EYS: variants seen among roughly 807,000 people sequenced by gnomAD.
EYS encodes the protein protein eyes shut homolog.
A neutral mutation model predicts 282.1 loss-of-function variants in EYS; 250 were observed. The ratio of observed to expected loss-of-function variants is 0.89; its 90% confidence interval spans 0.80 to 0.98. The LOEUF is 0.98. Ranked by LOEUF, EYS falls within the 50% of genes least tolerant of loss-of-function variation. The pLI, the probability that EYS is intolerant of heterozygous loss-of-function variation, is 0.00. For missense variants in EYS, 4,016 were observed against 3,709.0 expected, an observed-to-expected ratio of 1.08 and a Z score of -2.15; for synonymous variants, 1,355 against 1,282.9, an observed-to-expected ratio of 1.06 and a Z score of -1.20.
chr6:65,038,029 A>C (rs975485093), intron 13 of EYS, among the ~76,000 whole-genome samples: 2 of 151,662 alleles, frequency 1.3e-5, no homozygotes, highest in Non-Finnish European at 3.0e-5. Context: ...AAATTTGCTC[A>C]AGTCAAGAAT....
At chr6:65,230,229 T>C (rs934780409) in intron 12 of EYS, among the ~76,000 whole-genome samples, 2 of 151,966 alleles carry the variant, frequency 1.3e-5, no homozygotes, top group African/African-American at 4.8e-5. Context: ...TTTCTTGCCA[T>C]TTTTTACTTT....
chr6:64,684,526 T>C (rs1770017570), intron 22 of EYS, among the ~76,000 whole-genome samples: 1 of 151,616 alleles, frequency 6.6e-6, no homozygotes, highest in African/African-American at 2.4e-5. Context: ...TCTTATATTT[T>C]CTCCTTATTT....
intron 28 of EYS, among the ~76,000 whole-genome samples, chr6:64,390,316 G>T (rs1365765897): frequency 6.6e-6 from 1 of 152,156 alleles, no homozygotes; most frequent in Non-Finnish European, 1.5e-5. Flanking sequence ...CCACCTCTGG[G>T]GGCAGGGCAC....
intron 35 of EYS, among the ~76,000 whole-genome samples, chr6:63,974,216 C>T (rs1238955932): frequency 6.6e-6 from 1 of 151,882 alleles, no homozygotes; most frequent in Non-Finnish European, 1.5e-5. Context: ...CACAATTTAC[C>T]ATTTTTACGC....
chr6:64,697,125 A>T (rs536377920), intron 22 of EYS, among the ~76,000 whole-genome samples: 1 of 152,104 alleles, frequency 6.6e-6, no homozygotes, highest in East Asian at 1.9e-4. Context: ...GTGTGGATTT[A>T]AAAAAAACAT....
At chr6:65,208,677 T>A (rs1238916028) in intron 12 of EYS, among the ~76,000 whole-genome samples, 1 of 151,870 alleles carries the variant, frequency 6.6e-6, no homozygotes, top group Non-Finnish European at 1.5e-5. Context: ...GAGGCCATTA[T>A]CCTAAATGAA....
At chr6:64,292,592 G>A (rs1768752911) in intron 30 of EYS, among the ~76,000 whole-genome samples, 1 of 151,940 alleles carries the variant, frequency 6.6e-6, no homozygotes, top group Admixed American at 6.6e-5. Context: ...CTAAGATCGA[G>A]GATAGCTAAT....
intron 5 of EYS, among the ~76,000 whole-genome samples, chr6:65,445,865 T>G (rs1768632846): frequency 6.6e-6 from 1 of 151,850 alleles, no homozygotes; most frequent in African/African-American, 2.4e-5. Flanking sequence ...ATTCCTAAAC[T>G]ATTTGTTTCC....
At chr6:63,874,870 G>C (rs914580673) in intron 35 of EYS, among the ~76,000 whole-genome samples, 2 of 152,108 alleles carry the variant, frequency 1.3e-5, no homozygotes, top group African/African-American at 4.8e-5. Context: ...GGAGATTGTG[G>C]GCTGAGATGA....
chr6:64,482,308 A>G lies in EYS; in HGVS notation c.5645-42956T>C, dbSNP rs191843257. Among the ~76,000 whole-genome samples the G allele has an allele frequency of 1.3e-3, 202 of 151,708 alleles. 1 individual carries two copies. The highest frequency in any genetic ancestry group is 4.0e-3 in the Admixed American group (61 of 15,188). ...AGCCACTGGGGAGTGGATGTTGGGGACTCAAATGTCCATTATCTATATATC... is the reference window on the plus strand; with the variant it reads ...AGCCACTGGGGAGTGGATGTTGGGGGCTCAAATGTCCATTATCTATATATC... On this transcript the variant is annotated intron_variant, in intron 26 of 42. Coordinates refer to ENST00000503581, the MANE Select transcript of EYS (RefSeq NM_001142800.2).
chr6:64,216,422 G>A (rs1765929282), intron 31 of EYS, among the ~76,000 whole-genome samples: 1 of 152,180 alleles, frequency 6.6e-6, no homozygotes, highest in South Asian at 2.1e-4. Flanking sequence ...CAGAGAATGT[G>A]CCTAAGAGAA....
chr6:64,217,015 GC>G (rs1765950452), intron 31 of EYS, among the ~76,000 whole-genome samples: 1 of 152,082 alleles, frequency 6.6e-6, no homozygotes, highest in African/African-American at 2.4e-5. Context: ...TAACAGATTT[GC>G]TTGTAGTCAT....
At chr6:64,186,613 G>A (rs1764954357) in intron 31 of EYS, among the ~76,000 whole-genome samples, 1 of 151,992 alleles carries the variant, frequency 6.6e-6, no homozygotes, top group South Asian at 2.1e-4. Flanking sequence ...AATCACTTGA[G>A]GCATCTTGTA....
chr6:63,807,098 G>C (rs1346032552), intron 36 of EYS, among the ~76,000 whole-genome samples: 1 of 152,158 alleles, frequency 6.6e-6, no homozygotes, highest in Non-Finnish European at 1.5e-5. Context: ...GTTGCTTCTT[G>C]TATCGAACTC....
At chr6:65,026,361 C>G (rs1047422336) in intron 13 of EYS, among the ~76,000 whole-genome samples, 1 of 151,910 alleles carries the variant, frequency 6.6e-6, no homozygotes, top group African/African-American at 2.4e-5. Flanking sequence ...TTGTTGAATT[C>G]TAAACTTTCT....
chr6:64,899,206 A>G (rs1428275735), intron 18 of EYS, among the ~76,000 whole-genome samples: 2 of 152,182 alleles, frequency 1.3e-5, no homozygotes, highest in African/African-American at 2.4e-5. Context: ...CATAATTGAA[A>G]GTAAAACACT....
At chr6:64,424,200 C>A (rs1457545960) in intron 28 of EYS, among the ~76,000 whole-genome samples, 1 of 151,996 alleles carries the variant, frequency 6.6e-6, no homozygotes, top group Admixed American at 6.6e-5. Context: ...CTAAATCAAC[C>A]CCCGTTTTCA....
At chr6:65,055,934 C>G (rs1420242977) in intron 13 of EYS, among the ~76,000 whole-genome samples, 1 of 152,030 alleles carries the variant, frequency 6.6e-6, no homozygotes, top group Non-Finnish European at 1.5e-5. Flanking sequence ...ATGCCATACT[C>G]TTTGAAAGCC....
intron 25 of EYS, among the ~76,000 whole-genome samples, chr6:64,592,586 G>A (rs958671980): frequency 2.6e-5 from 4 of 152,090 alleles, no homozygotes; most frequent in African/African-American, 7.2e-5. Flanking sequence ...GCTACATGAA[G>A]AGTAAATTTG....
Sources: gnomAD v4.1 joint callset for allele counts (sites outside exome capture counted in the v4.1 genomes callset) on GRCh38, gnomAD v4.1.1 for gene constraint, MANE v1.5 for transcripts, NCBI Gene and HGNC (gene_info 2026-07-23, HGNC 2026-07-21) for gene names.